RASEF: variants seen among roughly 807,000 people sequenced by gnomAD.
The protein encoded by RASEF is RAS and EF-hand domain containing.
RASEF carries 68 observed loss-of-function variants against 90.1 expected under a neutral mutation model. The ratio of observed to expected loss-of-function variants is 0.75; its 90% CI spans 0.62 to 0.92. The LOEUF (loss-of-function observed/expected upper bound fraction) is 0.92, where lower values mean the gene tolerates loss of function less well. Among genes scored for constraint, RASEF ranks in the 40% least tolerant of loss-of-function variants. The pLI is 0.00. For synonymous variants in RASEF, 331 were observed against 345.2 expected, an observed-to-expected ratio of 0.96 and a Z score of 0.46; for missense variants, 949 against 937.2, an observed-to-expected ratio of 1.01 and a Z score of -0.16.
chr9:83,029,165 T>C (rs535943101), intron 1 of RASEF, among the ~76,000 whole-genome samples: 1 of 152,274 alleles, frequency 6.6e-6, no homozygotes, highest in Admixed American at 6.5e-5. Flanking sequence ...AGTGGCAGAA[T>C]AAGGATTCAA....
At position 82,982,340 on chromosome 9, in the gene RASEF, A is replaced by G; in HGVS notation, c.*337T>C. On this transcript the variant is annotated 3_prime_UTR_variant, in exon 17 of 17. Transcript: ENST00000376447. ...GTAACCTAATTCAGCTACCACATGA[A>G]TCTAATTATGTCAGTTTCCTCTACA... 1 of 166,406 alleles carries G rather than the reference A, an allele frequency of 6.0e-6. No homozygotes were observed. Among genetic ancestry groups the G allele is most frequent in the Non-Finnish European group, 1.3e-5 (1 of 76,956 alleles). The allele number at this position is 166,406 out of a possible 1,614,324, so 10.3% of individuals were successfully genotyped here. A position where few individuals can be genotyped will look rare whatever the true frequency, so the allele number is the denominator to read the frequency against.
the RASEF span, among the ~76,000 whole-genome samples, chr9:83,124,593 C>T: frequency 6.6e-6 from 1 of 152,200 alleles, no homozygotes; most frequent in Non-Finnish European, 1.5e-5. Context: ...ACTGAAGATT[C>T]TGGCTCAGAG....
At position 83,062,853 on chromosome 9, in the gene RASEF, CCCATCCGCCT is replaced by C; in HGVS notation, c.5_14del (p.Glu2GlyfsTer158). ...GCAGCCGGGCCAGCTCCTCTCCGTC[CCCATCCGCCT>C]CCATCCCGCCTGGCGGGGGCGGCCG... On this transcript the variant is annotated frameshift_variant, in exon 1 of 17. Coordinates refer to ENST00000376447, the MANE Select transcript of RASEF (RefSeq NM_152573.4). LOFTEE classifies it high-confidence loss of function. 1 of 1,527,980 alleles carries C rather than the reference CCCATCCGCCT, an allele frequency of 6.5e-7. No homozygotes were observed. The highest frequency in any genetic ancestry group is 8.7e-7 in the Non-Finnish European group (1 of 1,148,242). The allele number at this position is 1,527,980 out of a possible 1,614,324, so 94.7% of individuals were successfully genotyped here. A position where few individuals can be genotyped will look rare whatever the true frequency, so the allele number is the denominator to read the frequency against.
intron 1 of RASEF, among the ~76,000 whole-genome samples, chr9:83,031,009 G>A (rs1322588103): frequency 6.6e-6 from 1 of 152,088 alleles, no homozygotes; most frequent in African/African-American, 2.4e-5. Flanking sequence ...GTGATAGAAT[G>A]TGCTTGGATC....
chr9:83,186,761 A>G, the RASEF span, among the ~76,000 whole-genome samples: 1 of 152,094 alleles, frequency 6.6e-6, no homozygotes, highest in African/African-American at 2.4e-5. Flanking sequence ...TTTTAAAGAA[A>G]ATTTTTTCTC....
chr9:83,009,852 C>T (rs758474545), intron 5 of RASEF, 96 bp from the exon 6 acceptor site: 1 of 665,690 alleles, frequency 1.5e-6, no homozygotes, highest in Non-Finnish European at 2.7e-6. Flanking sequence ...ACACCACTCT[C>T]ACCCTTCCAC....
chr9:83,113,715 G>A, the RASEF span, among the ~76,000 whole-genome samples: 1 of 152,158 alleles, frequency 6.6e-6, no homozygotes, highest in Non-Finnish European at 1.5e-5. Flanking sequence ...GTAGCCTCAG[G>A]CTTACTAGGA....
chr9:83,140,663 T>C, the RASEF span, among the ~76,000 whole-genome samples: 1 of 152,178 alleles, frequency 6.6e-6, no homozygotes, highest in African/African-American at 2.4e-5. Flanking sequence ...GAAAATTATA[T>C]AAATACAACA....
the RASEF span, among the ~76,000 whole-genome samples, chr9:83,206,454 A>C: frequency 6.6e-6 from 1 of 152,250 alleles, no homozygotes; most frequent in Non-Finnish European, 1.5e-5. Context: ...CATCATGCTC[A>C]TGGAAAATGC....
rs147641108 is a variant in RASEF, at chr9:83,022,870, T to C, written c.579-444A>G. The stretch of plus-strand genomic sequence containing the variant: ...GGTATTTATGTATCTAAACACAGAA[T>C]AGATACAGTAAAAGTATAGGATTAT... On this transcript the variant is annotated intron_variant, in intron 2 of 16. Transcript: ENST00000376447. Among the ~76,000 whole-genome samples, 2 of 152,208 alleles carry C rather than the reference T, an allele frequency of 1.3e-5. 1 individual carries two copies. The highest frequency in any genetic ancestry group is 4.1e-4 in the South Asian group (2 of 4,832).
the RASEF span, among the ~76,000 whole-genome samples, chr9:83,085,691 C>T: frequency 5.9e-5 from 9 of 152,000 alleles, no homozygotes; most frequent in South Asian, 2.1e-4. Flanking sequence ...TTTGGGAGGC[C>T]GAGGCGGTGA....
At chr9:83,196,495 G>T in the RASEF span, among the ~76,000 whole-genome samples, 1 of 152,180 alleles carries the variant, frequency 6.6e-6, no homozygotes, top group African/African-American at 2.4e-5. Context: ...GGGAGACAGG[G>T]CAAAAAGGTC....
At chr9:83,191,185 A>G in the RASEF span, among the ~76,000 whole-genome samples, 2 of 152,214 alleles carry the variant, frequency 1.3e-5, no homozygotes, top group African/African-American at 4.8e-5. Flanking sequence ...GTAAGTAACC[A>G]CATTCAATTC....
rs1194976554 is a variant in RASEF at position 82,990,547 on chromosome 9, TA to T, written c.2041-81del. On this transcript the variant is annotated intron_variant, in intron 15 of 16. Transcript: ENST00000376447. The stretch of plus-strand genomic sequence containing the variant: ...ATTTTAGCTTTTAAAATCAGTAAAA[TA>T]AAAATATGTTCCTACTGAGCATGCT... 5.1e-6 allele frequency: 5 copies of T among 988,752 alleles called. No individual in the cohort carries two copies. The Admixed American group carries it at 5.6e-5, about 11-fold the overall frequency. 61.2% of individuals were successfully genotyped at this position (988,752 alleles called of 1,614,324 possible).
chr9:83,161,141 C>T, the RASEF span, among the ~76,000 whole-genome samples: 2 of 152,292 alleles, frequency 1.3e-5, no homozygotes, highest in African/African-American at 4.8e-5. Flanking sequence ...CCTAGTGGAA[C>T]TGTGAGAAGA....
At chr9:83,005,293 A>G in intron 8 of RASEF, 123 bp downstream of exon 8, 1 of 666,216 alleles carries the variant, frequency 1.5e-6, no homozygotes, top group Non-Finnish European at 2.6e-6. Context: ...TTATGGAAAG[A>G]TCTTCTCATT....
At chr9:83,129,315 G>A in the RASEF span, among the ~76,000 whole-genome samples, 1 of 151,662 alleles carries the variant, frequency 6.6e-6, no homozygotes, top group Non-Finnish European at 1.5e-5. Context: ...GCTGAGGCAG[G>A]AGAATGGCAT....
chr9:83,029,559 A>ATTTTTTTT (rs59621078), intron 1 of RASEF, among the ~76,000 whole-genome samples: 2 of 130,344 alleles, frequency 1.5e-5, no homozygotes. Context: ...CACCAAACTA[A>ATTTTTTTT]TTTTTTTTTT....
At chr9:83,044,381 G>A (rs1239645300) in intron 1 of RASEF, among the ~76,000 whole-genome samples, 1 of 152,126 alleles carries the variant, frequency 6.6e-6, no homozygotes, top group African/African-American at 2.4e-5. Flanking sequence ...GAAGTTATGA[G>A]TATTTTGATG....
Sources: gnomAD v4.1 joint callset for allele counts (sites outside exome capture counted in the v4.1 genomes callset) on GRCh38, gnomAD v4.1.1 for gene constraint, MANE v1.5 for transcripts, NCBI Gene and HGNC (gene_info 2026-07-23, HGNC 2026-07-21) for gene names.